DNAAF1: variants seen among roughly 807,000 people sequenced by gnomAD.
DNAAF1 encodes dynein axonemal assembly factor 1, also known as dynein assembly factor 1, axonemal.
A neutral mutation model predicts 71.1 loss-of-function variants in DNAAF1; 65 were observed. The observed-to-expected ratio is 0.91, with a 90% CI of 0.75 to 1.12. The LOEUF (loss-of-function observed/expected upper bound fraction) is 1.12. Ranked by LOEUF, DNAAF1 falls within the 50% of genes most tolerant of loss-of-function variation. The pLI, the probability that DNAAF1 is intolerant of heterozygous loss-of-function variation, is 0.00. For synonymous variants in DNAAF1, 414 were observed against 354.6 expected (o/e 1.17, Z -1.88); for missense variants, 1,178 against 899.8 (o/e 1.31, Z -3.96).
At chr16:84,149,807 C>G (rs990119758) in intron 2 of DNAAF1, among the ~76,000 whole-genome samples, 6 of 151,560 alleles carry the variant, frequency 4.0e-5, no homozygotes, top group African/African-American at 1.5e-4. Context: ...GGTGGATCAC[C>G]TGACGTCAGG....
chr16:84,173,369 C>T (rs1195368909), intron 9 of DNAAF1: 1 of 664,062 alleles, frequency 1.5e-6, no homozygotes. Flanking sequence ...GAGGCTGAGG[C>T]AGGAGAATGG....
rs1409459129 is a variant in DNAAF1, at chr16:84,145,530, C to T, written c.90C>T (p.Asp30=). Residue 30 remains aspartate, a synonymous_variant, in exon 1 of 12, where the codon GAC becomes GAT. Coordinates refer to ENST00000378553, the MANE Select transcript of DNAAF1 (RefSeq NM_178452.6). ...CCGGCGTGGAGGAGTCTGCGGGTGA[C>T]CACGGGAGCGCAGGCCGAGGGGGCT... ...QEPGVEESAG[D]HGSAGRGGCK... is the part of the protein sequence containing the mutation. 1.3e-6 allele frequency: 2 copies of T among 1,553,966 alleles called. No homozygotes were observed. The highest frequency in any genetic ancestry group is 1.7e-6 in the Non-Finnish European group (2 of 1,148,912).
At chr16:84,150,222 A>C in intron 2 of DNAAF1, 29 bp from the exon 3 acceptor site, 1 of 1,532,604 alleles carries the variant, frequency 6.5e-7, no homozygotes, top group Non-Finnish European at 9.0e-7. Context: ...ATTTGCAATA[A>C]GCTTATTCAT....
intron 1 of DNAAF1, 140 bp from the exon 2 acceptor site, chr16:84,148,867 G>A: frequency 1.0e-6 from 1 of 972,366 alleles, no homozygotes. Flanking sequence ...TGGGATTACA[G>A]GCCTGAGCCA....
chr16:84,148,596 C>CTCTTTTTTTTTTTTTTTTTTTTTT lies in DNAAF1; in HGVS notation c.125-410_125-409insCTTTTTTTTTTTTTTTTTTTTTTT. On this transcript the variant is annotated intron_variant, in intron 1 of 11. Coordinates refer to ENST00000378553, the MANE Select transcript of DNAAF1 (RefSeq NM_178452.6). ...AAAGATTACTGTTCTCTCTCTCTCT[C>CTCTTTTTTTTTTTTTTTTTTTTTT]TTTTTTTTTTTTTTTTTTGGTGAGA... 7.3e-4 allele frequency among the ~76,000 whole-genome samples: 32 copies of CTCTTTTTTTTTTTTTTTTTTTTTT among 43,570 alleles called. 1 individual carries two copies. The highest frequency in any genetic ancestry group is 1.7e-3 in the African/African-American group (18 of 10,858). 28.6% of individuals were successfully genotyped at this position (43,570 alleles called of 152,430 possible).
chr16:84,154,574 T>C lies in DNAAF1; in HGVS notation c.353-3T>C, dbSNP rs148444655. On this transcript the variant is annotated splice_region_variant and splice_polypyrimidine_tract_variant and intron_variant, in intron 3 of 11. Transcript: ENST00000378553. ...TAATTCCCACGTGCTTCCTTTTTGT[T>C]AGGTTTTGATCGCATTGAGAACCTG... The C allele has an allele frequency of 6.2e-7, 1 of 1,613,836 alleles. No homozygotes were observed. Among genetic ancestry groups the C allele is most frequent in the East Asian group, 2.2e-5 (1 of 44,890 alleles).
At chr16:84,148,482 T>C (rs2087019263) in intron 1 of DNAAF1, among the ~76,000 whole-genome samples, 1 of 152,016 alleles carries the variant, frequency 6.6e-6, no homozygotes, top group African/African-American at 2.4e-5. Flanking sequence ...TGTTTTCTTG[T>C]GCACCTGTAC....
chr16:84,169,368 G>A (rs1227685863), intron 7 of DNAAF1, among the ~76,000 whole-genome samples: 1 of 151,758 alleles, frequency 6.6e-6, no homozygotes, highest in Non-Finnish European at 1.5e-5. Context: ...TTACAAGCAT[G>A]AGCTACCATG....
intron 9 of DNAAF1, 62 bp from the exon 10 acceptor site, chr16:84,174,607 C>T: frequency 6.2e-7 from 1 of 1,613,764 alleles, no homozygotes; most frequent in Non-Finnish European, 8.5e-7. Context: ...TTTATCGTGC[C>T]TATCAGAACG....
chr16:84,174,643 G>A lies in DNAAF1; in HGVS notation c.1645-26G>A, dbSNP rs533280238. ...TTGACAGTGCGTGTACCTCCCTGGT[G>A]ATGTGCGGCTCACTTGCTCTTTCAG... On this transcript the variant is annotated intron_variant, in intron 9 of 11. Coordinates refer to ENST00000378553, the MANE Select transcript of DNAAF1 (RefSeq NM_178452.6). The A allele has an allele frequency of 3.0e-5, 49 of 1,614,146 alleles. No homozygotes were observed. The African/African-American group carries it at 5.6e-4, about 18-fold the overall frequency.
At chr16:84,159,403 A>G (rs140708491) in intron 5 of DNAAF1, among the ~76,000 whole-genome samples, 1 of 152,200 alleles carries the variant, frequency 6.6e-6, no homozygotes, top group Non-Finnish European at 1.5e-5. Flanking sequence ...GCCTCAGGAA[A>G]TGTTTTCCAG....
chr16:84,173,493 C>T (rs922184312), intron 9 of DNAAF1: 42 of 983,590 alleles, frequency 4.3e-5, no homozygotes, highest in Admixed American at 6.2e-5. Flanking sequence ...AAAGTGATCA[C>T]GGTCAGAATT....
At chr16:84,177,920 G>A (rs376416088), downstream of DNAAF1, 22 of 1,193,474 alleles carry the variant, frequency 1.8e-5, no homozygotes, top group Middle Eastern at 4.2e-4. Context: ...TAACACCCAC[G>A]CGAGTCAGTG....
rs2151265693 is a variant in DNAAF1 at position 84,170,049 on chromosome 16, T to C, written c.1221T>C (p.Asp407=). The change falls in exon 8 of 12, where the codon GAT becomes GAC. Residue 407 remains aspartate (D), a synonymous_variant. Transcript: ENST00000378553. ...EEPPVEAKRE[D]GGPEPEGTLP... is the part of the protein sequence containing the mutation. ...CGCCTGTGGAGGCTAAAAGAGAGGA[T>C]GGAGGTCCAGAGCCAGAGGGGACCC... The C allele has an allele frequency of 6.2e-7, 1 of 1,613,822 alleles. No individual in the cohort carries two copies. The highest frequency in any genetic ancestry group is 8.5e-7 in the Non-Finnish European group (1 of 1,180,014).
chr16:84,153,699 T>C (rs1445111501), intron 3 of DNAAF1, among the ~76,000 whole-genome samples: 1 of 152,206 alleles, frequency 6.6e-6, no homozygotes, highest in Non-Finnish European at 1.5e-5. Flanking sequence ...AGGCATGAAT[T>C]ACACATTGAT....
chr16:84,175,722 G>A (rs2088616035), intron 10 of DNAAF1: 2 of 602,518 alleles, frequency 3.3e-6, no homozygotes, highest in Non-Finnish European at 5.9e-6. Flanking sequence ...GGAGCAGAGG[G>A]CAGAGAGAAG....
intron 7 of DNAAF1, among the ~76,000 whole-genome samples, chr16:84,166,439 C>A (rs1286132822): frequency 6.9e-6 from 1 of 145,532 alleles, no homozygotes; most frequent in Admixed American, 7.0e-5. Context: ...TGCAGTGGCA[C>A]AATCTTGGCT....
At position 84,155,611 on chromosome 16, in the gene DNAAF1, G is replaced by C. The variant is rs1169328891; in HGVS notation, c.603G>C (p.Gln201His). 15 of 1,614,026 alleles carry C rather than the reference G, an allele frequency of 9.3e-6. No homozygotes were observed. The African/African-American group carries it at 1.9e-4, about 20-fold the overall frequency. The change falls in exon 5 of 12, where the codon CAG (glutamine) becomes CAC (histidine). Residue 201 changes from glutamine to histidine, a missense_variant. Coordinates refer to ENST00000378553, the MANE Select transcript of DNAAF1 (RefSeq NM_178452.6). The part of the protein sequence containing the change: ...LSCLPVLNTL[Q>H]MAHNHLETVE... The stretch of plus-strand genomic sequence containing the variant: ...GCCTCCCAGTCCTGAACACATTGCA[G>C]ATGGCCCACAATCACCTGGAGACCG...
In DNAAF1 at chr16:84,174,651, G is replaced by A; in HGVS notation, c.1645-18G>A. 6.2e-7 allele frequency: 1 copy of A among 1,614,104 alleles called. No individual in the cohort carries two copies. Among genetic ancestry groups the A allele is most frequent in the Admixed American group, 1.7e-5 (1 of 60,014 alleles). On this transcript the variant is annotated intron_variant, in intron 9 of 11. Coordinates refer to ENST00000378553, the MANE Select transcript of DNAAF1 (RefSeq NM_178452.6). ...GCGTGTACCTCCCTGGTGATGTGCG[G>A]CTCACTTGCTCTTTCAGGACCTACC...
Sources: allele counts gnomAD v4.1 joint callset (sites outside exome capture counted in the v4.1 genomes callset), GRCh38; gene constraint gnomAD v4.1.1; transcripts MANE v1.5; gene names NCBI Gene and HGNC (gene_info 2026-07-23, HGNC 2026-07-21).